The following ZNF474 variants were observed in gnomAD, a reference collection of about 807,000 sequenced individuals.
The protein encoded by ZNF474 is 4933409D10Rik.
For synonymous variants in ZNF474, 192 were observed against 162.2 expected (o/e 1.18, Z -1.39); for missense variants, 511 against 433.8 (o/e 1.18, Z -1.58).
At chr5:122,141,092 T>C (rs1437843281) in intron 1 of ZNF474, among the ~76,000 whole-genome samples, 1 of 149,654 alleles carries the variant, frequency 6.7e-6, no homozygotes, top group Non-Finnish European at 1.5e-5. Context: ...TTTATTTTTT[T>C]ATTTTTTATT....
rs1249672431 is a variant in ZNF474 at position 122,152,020 on chromosome 5, C to T, written c.30C>T (p.Ser10=). The change falls in exon 2 of 2, where the codon TCC becomes TCT. Residue 10 remains serine (S), a synonymous_variant. Transcript: ENST00000296600. Reference sequence around the variant, plus strand: ...AAAGAGGAAAGAAGAAAAGAATTTCCAATAAGTTACAACAAACTTTTCACC... The same window carrying T: ...AAAGAGGAAAGAAGAAAAGAATTTCTAATAAGTTACAACAAACTTTTCACC... MERGKKKRI[S]NKLQQTFHHS... is the part of the protein sequence containing the mutation. 2 of 1,609,918 alleles carry T rather than the reference C, an allele frequency of 1.2e-6. No homozygotes were observed. The highest frequency in any genetic ancestry group is 1.3e-5 in the African/African-American group (1 of 74,590).
chr5:122,145,703 T>C (rs140681986), intron 1 of ZNF474, among the ~76,000 whole-genome samples: 1 of 152,178 alleles, frequency 6.6e-6, no homozygotes, highest in Non-Finnish European at 1.5e-5. Context: ...CAAAAATGCA[T>C]TTTCAGTGGT....
intron 1 of ZNF474, among the ~76,000 whole-genome samples, chr5:122,139,054 G>A (rs938373401): frequency 2.6e-5 from 4 of 152,074 alleles, no homozygotes; most frequent in Non-Finnish European, 4.4e-5. Context: ...CTAAATGATT[G>A]TAAAACATTA....
chr5:122,140,644 C>T (rs896934729), intron 1 of ZNF474, among the ~76,000 whole-genome samples: 1 of 152,092 alleles, frequency 6.6e-6, no homozygotes, highest in African/African-American at 2.4e-5. Context: ...CCAAAGGGAG[C>T]ATACAGGCAG....
intron 1 of ZNF474, among the ~76,000 whole-genome samples, chr5:122,141,101 TTTTA>T (rs1755827950): frequency 3.0e-4 from 4 of 13,272 alleles, no homozygotes; most frequent in African/African-American, 7.4e-4. Context: ...TTATTTTTTA[TTTTA>T]TTTTATTTTA....
intron 1 of ZNF474, among the ~76,000 whole-genome samples, chr5:122,139,667 A>G (rs1473023167): frequency 3.3e-5 from 5 of 152,342 alleles, no homozygotes; most frequent in African/African-American, 9.6e-5. Context: ...GATGTGAACA[A>G]GTAGATGAAA....
Position 122,131,187 on chromosome 5 carries a change from C to A in ZNF474, c.-213+1504C>A, listed in dbSNP as rs1033053685. ...GGTGAGAATGTGGAGAAATGGGAACCCTTATACACTGTTTGTGGGATTGTA... is the reference window on the plus strand; with the variant it reads ...GGTGAGAATGTGGAGAAATGGGAACACTTATACACTGTTTGTGGGATTGTA... On this transcript the variant is annotated intron_variant, in intron 1 of 1. Coordinates refer to ENST00000296600, the MANE Select transcript of ZNF474 (RefSeq NM_207317.3). Among the ~76,000 whole-genome samples the A allele has an allele frequency of 5.3e-5, 8 of 152,008 alleles. No homozygotes were observed. The East Asian group carries it at 7.7e-4, about 15-fold the overall frequency.
chr5:122,129,921 C>A (rs1755538928), intron 1 of ZNF474, among the ~76,000 whole-genome samples: 2 of 152,156 alleles, frequency 1.3e-5, no homozygotes, highest in Non-Finnish European at 1.5e-5. Flanking sequence ...CTAAACAAAA[C>A]AATAAATGTC....
At chr5:122,134,438 T>C (rs1043814489) in intron 1 of ZNF474, among the ~76,000 whole-genome samples, 12 of 152,234 alleles carry the variant, frequency 7.9e-5, no homozygotes, top group African/African-American at 2.4e-4. Context: ...AAATGAAATC[T>C]AATTTAAATG....
intron 1 of ZNF474, among the ~76,000 whole-genome samples, chr5:122,139,166 T>G (rs1755775569): frequency 6.6e-6 from 1 of 152,188 alleles, no homozygotes; most frequent in Non-Finnish European, 1.5e-5. Context: ...AAAACCACAC[T>G]TTCCCCTTCA....
intron 1 of ZNF474, among the ~76,000 whole-genome samples, chr5:122,147,605 A>T (rs1214147847): frequency 7.0e-6 from 1 of 142,038 alleles, no homozygotes; most frequent in East Asian, 2.1e-4. Context: ...GTTCCCACTT[A>T]TGAGTGTGAA....
At chr5:122,141,300 A>ATT (rs368273210) in intron 1 of ZNF474, among the ~76,000 whole-genome samples, 851 of 64,232 alleles carry the variant, frequency 0.013, no homozygotes, top group East Asian at 0.016. Context: ...ACCCCTGGCT[A>ATT]TTTTTTTTTT....
intron 1 of ZNF474, among the ~76,000 whole-genome samples, chr5:122,130,886 AATT>A (rs1561435697): frequency 1.3e-5 from 2 of 152,100 alleles, no homozygotes; most frequent in Non-Finnish European, 2.9e-5. Flanking sequence ...AACACATTTC[AATT>A]ATTATTAATT....
chr5:122,152,678 G>C lies in ZNF474; in HGVS notation c.688G>C (p.Glu230Gln), dbSNP rs775505819. 6.8e-6 allele frequency: 11 copies of C among 1,614,056 alleles called. No homozygotes were observed. In the Admixed American group the frequency reaches 1.7e-4, roughly 24 times the overall value. ...TGTTATCTGCTACATATGTGGTAAG[G>C]AATTTGGCACCCTGTCCCTTCCTAT... The part of the protein sequence containing the change: ...RTVICYICGK[E>Q]FGTLSLPIHE... The change falls in exon 2 of 2, where the codon GAA becomes CAA. Residue 230 changes from glutamate (E) to glutamine (Q), a missense_variant. By Grantham distance (29) the Glu-to-Gln change is conservative. Transcript: ENST00000296600.
At chr5:122,132,408 C>T (rs1393467215) in intron 1 of ZNF474, among the ~76,000 whole-genome samples, 2 of 151,642 alleles carry the variant, frequency 1.3e-5, no homozygotes, top group Non-Finnish European at 2.9e-5. Flanking sequence ...TTAGATAATC[C>T]AATTTTTAAA....
chr5:122,133,202 G>A (rs904820201), intron 1 of ZNF474, among the ~76,000 whole-genome samples: 2 of 152,086 alleles, frequency 1.3e-5, no homozygotes, highest in African/African-American at 4.8e-5. Context: ...GTAATTTATT[G>A]GGCATCTACT....
chr5:122,143,182 G>T (rs908169634), intron 1 of ZNF474, among the ~76,000 whole-genome samples: 3 of 152,074 alleles, frequency 2.0e-5, no homozygotes, highest in Admixed American at 2.0e-4. Flanking sequence ...GTTCCTCCCG[G>T]ATTCAGTGAG....
intron 1 of ZNF474, among the ~76,000 whole-genome samples, chr5:122,143,634 A>T (rs1004607312): frequency 2.6e-5 from 4 of 152,196 alleles, no homozygotes; most frequent in Non-Finnish European, 4.4e-5. Flanking sequence ...CAAAATGGAC[A>T]GCTTGGCAGA....
chr5:122,149,826 T>G (rs1756115511), intron 1 of ZNF474, among the ~76,000 whole-genome samples: 1 of 151,900 alleles, frequency 6.6e-6, no homozygotes, highest in Non-Finnish European at 1.5e-5. Flanking sequence ...ATGGAGGGGT[T>G]GCTGGGGAAA....
Sources: gnomAD v4.1 joint callset for allele counts (sites outside exome capture counted in the v4.1 genomes callset) on GRCh38, gnomAD v4.1.1 for gene constraint, MANE v1.5 for transcripts, NCBI Gene and HGNC (gene_info 2026-07-23, HGNC 2026-07-21) for gene names.